Variants in KLHDC10 observed in about 807,000 individuals in gnomAD.
The protein encoded by KLHDC10 is kelch domain containing 10.
KLHDC10 carries 24 observed loss-of-function variants against 56.1 expected under a neutral mutation model. That is an observed-to-expected ratio of 0.43 (90% CI 0.31 to 0.60). The LOEUF (loss-of-function observed/expected upper bound fraction) is 0.60. Ranked by LOEUF, KLHDC10 falls within the 20% of genes least tolerant of loss-of-function variation. KLHDC10 has a pLI of 0.11. For missense variants in KLHDC10, 349 were observed against 567.0 expected (o/e 0.62, Z 3.91); for synonymous variants, 188 against 207.1 (o/e 0.91, Z 0.79).
In KLHDC10 at chr7:130,070,823, C is replaced by T. The variant is rs1795398030; in HGVS notation, c.166+14C>T. 1 of 1,302,266 alleles carries T rather than the reference C, an allele frequency of 7.7e-7. No homozygotes were observed. The highest frequency in any genetic ancestry group is 9.8e-7 in the Non-Finnish European group (1 of 1,022,880). The allele number at this position is 1,302,266 out of a possible 1,614,324, so 80.7% of individuals were successfully genotyped here. Reference sequence around the variant, plus strand: ...CGCACCTGCCAGGTGAGTCGTGGGACAGGGTCCTGACCGCTTGCGGGCGGG... The same window carrying T: ...CGCACCTGCCAGGTGAGTCGTGGGATAGGGTCCTGACCGCTTGCGGGCGGG... On this transcript the variant is annotated intron_variant, in intron 1 of 9. Coordinates refer to ENST00000335420, the MANE Select transcript of KLHDC10 (RefSeq NM_014997.4).
chr7:130,076,539 T>C (rs1188893575), intron 1 of KLHDC10, among the ~76,000 whole-genome samples: 1 of 152,238 alleles, frequency 6.6e-6, no homozygotes, highest in Non-Finnish European at 1.5e-5. Context: ...TTTATTATTA[T>C]TTCTAATTCA....
intron 2 of KLHDC10, among the ~76,000 whole-genome samples, chr7:130,107,843 CAAAAAAAAAAAA>C (rs3043725): frequency 3.8e-5 from 1 of 26,028 alleles, no homozygotes; most frequent in Non-Finnish European, 5.7e-5. Context: ...GACTCCGTCT[CAAAAAAAAAAAA>C]AAAAAAAAAA....
intron 2 of KLHDC10, among the ~76,000 whole-genome samples, chr7:130,101,183 T>C (rs1795924351): frequency 6.6e-6 from 1 of 152,162 alleles, no homozygotes; most frequent in Admixed American, 6.5e-5. Flanking sequence ...AGAGTTACTG[T>C]GAAGATCAAG....
In KLHDC10 at chr7:130,107,843, CAAAAAAAAAA is replaced by C. The variant is rs3043725; in HGVS notation, c.254-8587_254-8578del. ...TGGGCGACAGAGTGGGACTCCGTCT[CAAAAAAAAAA>C]AAAAAAAAAAAAAAGAGCCGGACGC... On this transcript the variant is annotated intron_variant, in intron 2 of 9. Transcript: ENST00000335420. Among the ~76,000 whole-genome samples, 7 of 26,034 alleles carry C rather than the reference CAAAAAAAAAA, an allele frequency of 2.7e-4. No individual in the cohort carries two copies. In the South Asian group the frequency reaches 0.015, roughly 55 times the overall value. The allele number at this position is 26,034 out of a possible 152,430, so 17.1% of individuals were successfully genotyped here.
At chr7:130,110,095 G>T (rs1170000541) in intron 2 of KLHDC10, among the ~76,000 whole-genome samples, 2 of 152,114 alleles carry the variant, frequency 1.3e-5, no homozygotes, top group Non-Finnish European at 1.5e-5. Flanking sequence ...ATTGTAAAAC[G>T]TCCCTTTGTT....
At position 130,120,678 on chromosome 7, in the gene KLHDC10, A is replaced by G; in HGVS notation, c.476-71A>G. On this transcript the variant is annotated intron_variant, in intron 3 of 9. Transcript: ENST00000335420. The surrounding 1 kb of genome is among the most constrained non-coding windows in gnomAD (Gnocchi z 5.1). ...AGCAGATATGTGTAGCTTCTCAGAT[A>G]TTCTGGGTTTATGTGGGAACAAATT... The G allele has an allele frequency of 6.6e-7, 1 of 1,521,804 alleles. No homozygotes were observed. The allele number at this position is 1,521,804 out of a possible 1,614,324, so 94.3% of individuals were successfully genotyped here. A position where few individuals can be genotyped will look rare whatever the true frequency, so the allele number is the denominator to read the frequency against.
rs1217470991 is a variant in KLHDC10, at chr7:130,130,771, C to T, written c.*25C>T. On this transcript the variant is annotated 3_prime_UTR_variant, in exon 10 of 10. Coordinates refer to ENST00000335420, the MANE Select transcript of KLHDC10 (RefSeq NM_014997.4). This position sits in a 1 kb window ranked among gnomAD's most constrained non-coding sequence, Gnocchi z 4.2. ...AGGATTTCTGGACTGTTCATTGATA[C>T]TGGAAATGTTAATTTAAAGAGACTC... is the stretch of plus-strand genomic sequence containing the variant. The T allele has an allele frequency of 6.3e-7, 1 of 1,595,286 alleles. No individual in the cohort carries two copies. The highest frequency in any genetic ancestry group is 1.7e-5 in the Admixed American group (1 of 59,960).
At chr7:130,119,631 G>A (rs1044038243) in intron 3 of KLHDC10, among the ~76,000 whole-genome samples, 5 of 150,680 alleles carry the variant, frequency 3.3e-5, no homozygotes, top group African/African-American at 1.2e-4. Flanking sequence ...ATCACCTGAG[G>A]TCAGGAGTTC....
At chr7:130,089,836 C>T (rs565615873) in intron 1 of KLHDC10, among the ~76,000 whole-genome samples, 1 of 152,108 alleles carries the variant, frequency 6.6e-6, no homozygotes, top group South Asian at 2.1e-4. Context: ...CATGTTGTAG[C>T]CACCTAAGTC....
chr7:130,097,313 A>G (rs972195276), intron 2 of KLHDC10, among the ~76,000 whole-genome samples: 6 of 152,178 alleles, frequency 3.9e-5, no homozygotes, highest in Admixed American at 3.9e-4. Context: ...TGAATAATCT[A>G]TAAAATATGG....
At chr7:130,119,213 A>AT (rs952637470) in intron 3 of KLHDC10, among the ~76,000 whole-genome samples, 11 of 129,884 alleles carry the variant, frequency 8.5e-5, no homozygotes, top group Middle Eastern at 3.8e-3. Context: ...AACTCAAAAA[A>AT]AAAAAAATAA....
At chr7:130,124,999 A>T (rs994309468) in intron 6 of KLHDC10, among the ~76,000 whole-genome samples, 1 of 152,220 alleles carries the variant, frequency 6.6e-6, no homozygotes, top group Non-Finnish European at 1.5e-5. Flanking sequence ...TCATAGTCAC[A>T]CATCCCAGGG....
Position 130,128,889 on chromosome 7 carries a change from A to AAAAAAAAT in KLHDC10, c.980-547_980-546insAAAAAATA. Among the ~76,000 whole-genome samples, 193 of 66,930 alleles carry AAAAAAAAT rather than the reference A, an allele frequency of 2.9e-3. 2 individuals are homozygous for AAAAAAAAT. Among genetic ancestry groups the AAAAAAAAT allele is most frequent in the African/African-American group, 0.012 (166 of 13,610 alleles). 43.9% of individuals were successfully genotyped at this position (66,930 alleles called of 152,430 possible). Reference sequence around the variant, plus strand: ...ACCTTGTCTCTTAAAAAAAAAAAAAAATATATATATATATATATATATATA... The same window carrying AAAAAAAAT: ...ACCTTGTCTCTTAAAAAAAAAAAAAAAAAAAAATATATATATATATATATATATATATA... On this transcript the variant is annotated intron_variant, in intron 8 of 9. Transcript: ENST00000335420.
At chr7:130,074,206 C>T (rs573874370) in intron 1 of KLHDC10, among the ~76,000 whole-genome samples, 37 of 152,254 alleles carry the variant, frequency 2.4e-4, no homozygotes, top group Admixed American at 3.3e-4. Flanking sequence ...CAAGCTTTTC[C>T]GTCATCCAAG....
At chr7:130,127,571 G>A (rs1796330629) in intron 8 of KLHDC10, 120 bp downstream of exon 8, 6 of 699,464 alleles carry the variant, frequency 8.6e-6, no homozygotes, top group South Asian at 7.4e-5. Flanking sequence ...TCTATTTCTT[G>A]TAAACTTAAA....
At chr7:130,097,557 AAAG>A (rs1261674073) in intron 2 of KLHDC10, among the ~76,000 whole-genome samples, 2 of 152,140 alleles carry the variant, frequency 1.3e-5, no homozygotes, top group Non-Finnish European at 2.9e-5. Context: ...AGTTTGTTAA[AAAG>A]AAGTGCCAAT....
chr7:130,092,055 C>T (rs566606070), intron 1 of KLHDC10, among the ~76,000 whole-genome samples: 21 of 152,246 alleles, frequency 1.4e-4, no homozygotes, highest in African/African-American at 5.1e-4. Flanking sequence ...TCTTGTCACC[C>T]TTGTCAAAAA....
chr7:130,120,871 C>G lies in KLHDC10; in HGVS notation c.598C>G (p.Arg200Gly). 6 of 1,613,954 alleles carry G rather than the reference C, an allele frequency of 3.7e-6. No homozygotes were observed. The highest frequency in any genetic ancestry group is 5.1e-6 in the Non-Finnish European group (6 of 1,179,958). ...KYKRWALLSC[R>G]GKKPSRIYGQ... The stretch of plus-strand genomic sequence containing the variant: ...TAAGAGATGGGCTTTGCTCAGCTGT[C>G]GGGGGAAGAAACCCAGTCGTATATA... The change falls in exon 4 of 10, where the codon CGG becomes GGG. Residue 200 changes from arginine (R) to glycine (G), a missense_variant. Physicochemically the swap from Arg to Gly is moderately radical, Grantham distance 125 (BLOSUM62 -2). This residue lies in a region of KLHDC10 where 245 missense variants were observed against 470.1 expected (regional missense o/e 0.52). Transcript: ENST00000335420. This position sits in a 1 kb window ranked among gnomAD's most constrained non-coding sequence, Gnocchi z 5.1.
chr7:130,115,990 A>G (rs919047274), intron 2 of KLHDC10, among the ~76,000 whole-genome samples: 3 of 152,170 alleles, frequency 2.0e-5, no homozygotes, highest in African/African-American at 7.2e-5. Flanking sequence ...ATTTTTATTT[A>G]TACATGACTC....
Sources: allele counts gnomAD v4.1 joint callset (sites outside exome capture counted in the v4.1 genomes callset), GRCh38; gene constraint gnomAD v4.1.1; regional missense constraint gnomAD v4.1.1; non-coding constraint Gnocchi (gnomAD v3.1); transcripts MANE v1.5; gene names NCBI Gene and HGNC (gene_info 2026-07-23, HGNC 2026-07-21).